CLK4: variants seen among roughly 807,000 people sequenced by gnomAD.
CLK4 encodes the protein CDC like kinase 4.
In CLK4, 37 loss-of-function variants were observed where a neutral mutation model predicts 64.4. That is an observed-to-expected ratio of 0.57 (90% CI 0.44 to 0.76). The LOEUF is 0.76. Among genes scored for constraint, CLK4 ranks in the 30% least tolerant of loss-of-function variants. CLK4 has a pLI of 0.00. For missense variants in CLK4, 457 were observed against 605.1 expected, an observed-to-expected ratio of 0.76 and a Z score of 2.57; for synonymous variants, 175 against 191.6, an observed-to-expected ratio of 0.91 and a Z score of 0.72.
chr5:178,607,796 T>C (rs1377261033), intron 10 of CLK4, among the ~76,000 whole-genome samples: 37 of 151,676 alleles, frequency 2.4e-4, no homozygotes. Flanking sequence ...AGGTGTGAGC[T>C]ACCCCGCCTG....
At chr5:178,609,065 G>A (rs958412003) in intron 9 of CLK4, among the ~76,000 whole-genome samples, 1 of 152,118 alleles carries the variant, frequency 6.6e-6, no homozygotes, top group Admixed American at 6.5e-5. Flanking sequence ...CATCGGCGCT[G>A]TCTATACATG....
At chr5:178,607,790 G>A (rs1453707994) in intron 10 of CLK4, among the ~76,000 whole-genome samples, 3 of 151,528 alleles carry the variant, frequency 2.0e-5, no homozygotes, top group Non-Finnish European at 1.5e-5. Context: ...GATTACAGGT[G>A]TGAGCTACCC....
rs374572789 is a variant in CLK4 at position 178,603,652 on chromosome 5, G to C, written c.1411C>G (p.Gln471Glu). 2 of 1,595,876 alleles carry C rather than the reference G, an allele frequency of 1.3e-6. No homozygotes were observed. The highest frequency in any genetic ancestry group is 2.7e-5 in the African/African-American group (2 of 73,786). Residue 471 changes from glutamine to glutamate, a missense_variant, in exon 13 of 13, where the codon CAG becomes GAG. Gln to Glu is a conservative substitution (Grantham distance 29, BLOSUM62 2). Transcript: ENST00000316308. ...TQRITLDEAL[Q>E]HPFFDLLKKK ...TTTAATAAGTCAAAGAAAGGATGCT[G>C]CAATGCTTCATCCAAGGTAATTCTT...
intron 5 of CLK4, among the ~76,000 whole-genome samples, chr5:178,615,618 G>A (rs1209280961): frequency 2.0e-5 from 3 of 152,186 alleles, no homozygotes; most frequent in Non-Finnish European, 4.4e-5. Flanking sequence ...TAGGTATCAA[G>A]CTGCTATGGT....
rs543680340 is a variant in CLK4 at position 178,612,161 on chromosome 5, G to A, written c.1051+255C>T. Reference sequence around the variant, plus strand: ...TTCTTTGATGCATTTAGCTAACACAGCCTGTTCTCTTATGATCATTTAAGA... The same window carrying A: ...TTCTTTGATGCATTTAGCTAACACAACCTGTTCTCTTATGATCATTTAAGA... On this transcript the variant is annotated intron_variant, in intron 9 of 12. Transcript: ENST00000316308. Among the ~76,000 whole-genome samples the A allele has an allele frequency of 1.7e-4, 26 of 151,182 alleles. No individual in the cohort carries two copies. The South Asian group carries it at 5.5e-3, about 32-fold the overall frequency.
At chr5:178,614,913 T>C (rs898276118) in intron 5 of CLK4, among the ~76,000 whole-genome samples, 3 of 152,236 alleles carry the variant, frequency 2.0e-5, no homozygotes, top group Non-Finnish European at 4.4e-5. Flanking sequence ...ACCAAAAAGT[T>C]TTCTCAGTGC....
chr5:178,619,105 T>A (rs1186560736), intron 2 of CLK4, among the ~76,000 whole-genome samples: 1 of 152,230 alleles, frequency 6.6e-6, no homozygotes, highest in East Asian at 1.9e-4. Context: ...TCTTAGTCTC[T>A]CACAGAGGTA....
intron 10 of CLK4, among the ~76,000 whole-genome samples, chr5:178,606,151 C>T (rs369818099): frequency 1.3e-5 from 2 of 152,164 alleles, no homozygotes; most frequent in East Asian, 3.9e-4. Context: ...GAGTATTTTG[C>T]AGGGTGGAGT....
chr5:178,608,003 A>C (rs1562126936), intron 10 of CLK4, among the ~76,000 whole-genome samples: 1 of 152,188 alleles, frequency 6.6e-6, no homozygotes, highest in Admixed American at 6.5e-5. Context: ...TTGTTTCTGA[A>C]TTCTTTTATA....
chr5:178,612,660 G>T, intron 8 of CLK4, 115 bp from the exon 9 acceptor site: 2 of 1,213,420 alleles, frequency 1.6e-6, no homozygotes, highest in Non-Finnish European at 2.3e-6. Flanking sequence ...CATGAGAAAG[G>T]CAAAGAAGGA....
chr5:178,606,568 T>C (rs936232122), intron 10 of CLK4, among the ~76,000 whole-genome samples: 5 of 152,082 alleles, frequency 3.3e-5, no homozygotes, highest in African/African-American at 1.2e-4. Flanking sequence ...CTAGCTGGGA[T>C]CTCCAGCCCC....
Position 178,617,483 on chromosome 5 carries a change from T to C in CLK4, c.385-49A>G, listed in dbSNP as rs1205750368. ...CAAGATCGTCCAGCCAATCAATATA[T>C]CAGAGTGAATTCAGGGCAGAATACG... On this transcript the variant is annotated intron_variant, in intron 3 of 12. Transcript: ENST00000316308. This position sits in a 1 kb window ranked among gnomAD's most constrained non-coding sequence, Gnocchi z 5.2. 6.7e-7 allele frequency: 1 copy of C among 1,496,274 alleles called. No individual in the cohort carries two copies. The highest frequency in any genetic ancestry group is 9.3e-7 in the Non-Finnish European group (1 of 1,075,826). 92.7% of individuals were successfully genotyped at this position (1,496,274 alleles called of 1,614,324 possible).
chr5:178,618,870 T>C, intron 2 of CLK4, 92 bp from the exon 3 acceptor site: 1 of 898,482 alleles, frequency 1.1e-6, no homozygotes, highest in Non-Finnish European at 1.7e-6. Flanking sequence ...CTTAAACAGC[T>C]AACTCAATAT....
intron 11 of CLK4, chr5:178,604,614 A>G (rs1764440015): frequency 1.3e-5 from 2 of 152,116 alleles, no homozygotes; most frequent in African/African-American, 4.8e-5. Flanking sequence ...TTAGATTCTC[A>G]TAAGGAACCT....
intron 1 of CLK4, among the ~76,000 whole-genome samples, chr5:178,625,978 A>G (rs1206701056): frequency 6.6e-6 from 1 of 152,240 alleles, no homozygotes; most frequent in Non-Finnish European, 1.5e-5. Flanking sequence ...AGCATCCCAC[A>G]TGCTAGAGTA....
At chr5:178,619,224 G>A (rs1764671365) in intron 2 of CLK4, among the ~76,000 whole-genome samples, 1 of 152,154 alleles carries the variant, frequency 6.6e-6, no homozygotes, top group Non-Finnish European at 1.5e-5. Context: ...GAGCTATAAG[G>A]AGCCTTAAAT....
chr5:178,619,063 T>C (rs953439960), intron 2 of CLK4, among the ~76,000 whole-genome samples: 2 of 152,220 alleles, frequency 1.3e-5, no homozygotes, highest in Non-Finnish European at 2.9e-5. Context: ...TGATTAAGTG[T>C]TCCTTTACCT....
chr5:178,621,177 T>C (rs1764702272), intron 2 of CLK4, among the ~76,000 whole-genome samples: 1 of 152,214 alleles, frequency 6.6e-6, no homozygotes, highest in Non-Finnish European at 1.5e-5. Flanking sequence ...GTATCAAATA[T>C]GGAGTTCTTA....
chr5:178,616,613 C>G (rs964456846), intron 5 of CLK4, among the ~76,000 whole-genome samples: 1 of 151,980 alleles, frequency 6.6e-6, no homozygotes, highest in Non-Finnish European at 1.5e-5. Flanking sequence ...CAGGCCAACA[C>G]GGTGAAACCC....
Sources: allele counts gnomAD v4.1 joint callset (sites outside exome capture counted in the v4.1 genomes callset), GRCh38; gene constraint gnomAD v4.1.1; non-coding constraint Gnocchi (gnomAD v3.1); transcripts MANE v1.5; gene names NCBI Gene and HGNC (gene_info 2026-07-23, HGNC 2026-07-21).